Variants in MYL1 observed in about 807,000 individuals in gnomAD.
The protein encoded by MYL1 is myosin light chain 1.
A neutral mutation model predicts 21.8 loss-of-function variants in MYL1; 16 were observed. That is an observed-to-expected ratio of 0.74 (90% CI 0.50 to 1.12). The LOEUF is 1.12. MYL1 is among the 50% of genes most tolerant of loss of function. The pLI, the probability that MYL1 is intolerant of heterozygous loss-of-function variation, is 0.00. For missense variants in MYL1, 246 were observed against 241.0 expected (o/e 1.02, Z -0.14); for synonymous variants, 99 against 85.2 (o/e 1.16, Z -0.89).
rs751567761 is a variant in MYL1 at position 210,298,576 on chromosome 2, A to G, written c.161-13T>C. ...GCCTCCTTGAATTCTGCAAAAAGCAAGAAGCATTAGAGTGCTCTTTTCTTC... is the reference window on the plus strand; with the variant it reads ...GCCTCCTTGAATTCTGCAAAAAGCAGGAAGCATTAGAGTGCTCTTTTCTTC... On this transcript the variant is annotated splice_polypyrimidine_tract_variant and intron_variant, in intron 2 of 6. Coordinates refer to ENST00000352451, the MANE Select transcript of MYL1 (RefSeq NM_079420.3). The G allele has an allele frequency of 3.1e-6, 5 of 1,613,620 alleles. No homozygotes were observed. The highest frequency in any genetic ancestry group is 1.3e-5 in the African/African-American group (1 of 74,914).
intron 2 of MYL1, among the ~76,000 whole-genome samples, chr2:210,299,447 A>G (rs1690231175): frequency 6.6e-6 from 1 of 152,152 alleles, no homozygotes; most frequent in South Asian, 2.1e-4. Flanking sequence ...AGACGCCATC[A>G]ATTTTAGTCA....
chr2:210,306,397 A>C (rs1278074001), intron 1 of MYL1, among the ~76,000 whole-genome samples: 1 of 149,696 alleles, frequency 6.7e-6, no homozygotes, highest in African/African-American at 2.4e-5. Flanking sequence ...AAAAAAAAAA[A>C]GTTGAATTTA....
intron 1 of MYL1, among the ~76,000 whole-genome samples, chr2:210,307,838 G>A (rs1690359470): frequency 6.6e-6 from 1 of 152,102 alleles, no homozygotes; most frequent in African/African-American, 2.4e-5. Flanking sequence ...TTAGGTTGGT[G>A]CAAAAGTAAT....
At chr2:210,309,045 T>C (rs1005359732) in intron 1 of MYL1, among the ~76,000 whole-genome samples, 6 of 152,054 alleles carry the variant, frequency 3.9e-5, no homozygotes, top group African/African-American at 1.4e-4. Flanking sequence ...TGTTTTAGCT[T>C]TCTTATCATA....
At chr2:210,300,489 T>C (rs1318653846) in intron 2 of MYL1, among the ~76,000 whole-genome samples, 1 of 152,116 alleles carries the variant, frequency 6.6e-6, no homozygotes, top group Non-Finnish European at 1.5e-5. Flanking sequence ...TGGAGTTGTT[T>C]TTACAGAGTC....
At chr2:210,305,450 A>T (rs912612148) in intron 1 of MYL1, among the ~76,000 whole-genome samples, 2 of 152,160 alleles carry the variant, frequency 1.3e-5, no homozygotes, top group South Asian at 2.1e-4. Context: ...CAAGATTTGG[A>T]ATCTTATAAT....
At chr2:210,291,418 G>A (rs1465612650) in intron 5 of MYL1, among the ~76,000 whole-genome samples, 1 of 152,098 alleles carries the variant, frequency 6.6e-6, no homozygotes, top group African/African-American at 2.4e-5. Flanking sequence ...ACATGTCACT[G>A]TGCCCAGCTA....
intron 1 of MYL1, among the ~76,000 whole-genome samples, chr2:210,313,952 C>T (rs1056307704): frequency 6.6e-6 from 1 of 152,016 alleles, no homozygotes; most frequent in African/African-American, 2.4e-5. Context: ...CATTGATTTT[C>T]CATATAAGGC....
rs1191885284 is a variant in MYL1 at position 210,312,733 on chromosome 2, T to G, written c.132+2178A>C. Among the ~76,000 whole-genome samples the G allele has an allele frequency of 2.6e-5, 4 of 152,030 alleles. No individual in the cohort carries two copies. The East Asian group carries it at 5.8e-4, about 22-fold the overall frequency. Reference sequence around the variant, plus strand: ...CTGGATGGAAGATAAAGGTTATTTTTTTTCCTGTTTCTTCCAGATTCATTT... The same window carrying G: ...CTGGATGGAAGATAAAGGTTATTTTGTTTCCTGTTTCTTCCAGATTCATTT... On this transcript the variant is annotated intron_variant, in intron 1 of 6. Coordinates refer to ENST00000352451, the MANE Select transcript of MYL1 (RefSeq NM_079420.3).
chr2:210,291,483 C>G (rs996554604), intron 5 of MYL1, among the ~76,000 whole-genome samples: 28 of 152,078 alleles, frequency 1.8e-4, no homozygotes, highest in African/African-American at 6.8e-4. Flanking sequence ...AAAATGTTTC[C>G]CATCACTGTC....
At chr2:210,303,704 C>T in intron 1 of MYL1, 1 of 961,850 alleles carries the variant, frequency 1.0e-6, no homozygotes, top group South Asian at 2.0e-5. Context: ...AGTTGCCACA[C>T]CCCTTGGAGA....
intron 1 of MYL1, among the ~76,000 whole-genome samples, chr2:210,305,698 C>T (rs1003032099): frequency 6.6e-6 from 1 of 151,974 alleles, no homozygotes; most frequent in Non-Finnish European, 1.5e-5. Context: ...AAAAAAGTGT[C>T]CTTGCCTAGA....
intron 2 of MYL1, among the ~76,000 whole-genome samples, chr2:210,301,602 A>G (rs566986250): frequency 6.6e-6 from 1 of 152,100 alleles, no homozygotes; most frequent in South Asian, 2.1e-4. Flanking sequence ...TCCTCCTTCC[A>G]TCTATAGGTT....
At chr2:210,311,880 A>G (rs1690424436) in intron 1 of MYL1, among the ~76,000 whole-genome samples, 1 of 152,004 alleles carries the variant, frequency 6.6e-6, no homozygotes, top group Non-Finnish European at 1.5e-5. Flanking sequence ...TTAGTGTTCA[A>G]ATATCAACAG....
At chr2:210,309,166 G>A (rs988544480) in intron 1 of MYL1, among the ~76,000 whole-genome samples, 4 of 151,992 alleles carry the variant, frequency 2.6e-5, no homozygotes, top group Non-Finnish European at 4.4e-5. Context: ...ACAATGTTGT[G>A]AGTTTTCTAT....
intron 4 of MYL1, among the ~76,000 whole-genome samples, 182 bp downstream of exon 4, chr2:210,294,063 A>T (rs1407474088): frequency 2.7e-5 from 4 of 150,608 alleles, no homozygotes. Context: ...ATTTTAAGTT[A>T]ACATTTTCAC....
At chr2:210,305,950 C>T (rs1690336281) in intron 1 of MYL1, among the ~76,000 whole-genome samples, 1 of 151,914 alleles carries the variant, frequency 6.6e-6, no homozygotes, top group African/African-American at 2.4e-5. Flanking sequence ...ATCCCAGCTA[C>T]TGGGGAGGCT....
chr2:210,311,664 C>T (rs971329880), intron 1 of MYL1, among the ~76,000 whole-genome samples: 1 of 152,018 alleles, frequency 6.6e-6, no homozygotes, highest in Non-Finnish European at 1.5e-5. Flanking sequence ...AATCTAGGTA[C>T]ATGGTTATGT....
chr2:210,301,581 C>T (rs1377625793), intron 2 of MYL1, among the ~76,000 whole-genome samples: 1 of 151,892 alleles, frequency 6.6e-6, no homozygotes, highest in Non-Finnish European at 1.5e-5. Flanking sequence ...TATTTTGAAG[C>T]TAATTTTTTC....
Sources: gnomAD v4.1 joint callset for allele counts (sites outside exome capture counted in the v4.1 genomes callset) on GRCh38, gnomAD v4.1.1 for gene constraint, MANE v1.5 for transcripts, NCBI Gene and HGNC (gene_info 2026-07-23, HGNC 2026-07-21) for gene names.